TNFAIP8: variants seen among roughly 807,000 people sequenced by gnomAD.
The protein encoded by TNFAIP8 is TNF alpha induced protein 8.
Under a neutral mutation model 13.3 loss-of-function variants are expected in TNFAIP8, and 7 were observed. That is an observed-to-expected ratio of 0.52 (90% confidence interval 0.30 to 0.99). The LOEUF is 0.99. Among genes scored for constraint, TNFAIP8 ranks in the 50% least tolerant of loss-of-function variants. The pLI is 0.07. For missense variants in TNFAIP8, 258 were observed against 236.9 expected (o/e 1.09, Z -0.58); for synonymous variants, 94 against 87.6 (o/e 1.07, Z -0.41).
chr5:119,336,977 T>C (rs1750571945), intron 1 of TNFAIP8, among the ~76,000 whole-genome samples: 1 of 152,228 alleles, frequency 6.6e-6, no homozygotes, highest in South Asian at 2.1e-4. Context: ...CTTATGACCA[T>C]TGTCCTCTGG....
intron 1 of TNFAIP8, among the ~76,000 whole-genome samples, chr5:119,279,758 T>C (rs781042018): frequency 3.9e-5 from 6 of 152,194 alleles, no homozygotes; most frequent in Admixed American, 1.3e-4. Context: ...TAGGAAGTCA[T>C]TTTGAATTGA....
intron 1 of TNFAIP8, among the ~76,000 whole-genome samples, chr5:119,348,612 G>C (rs890601048): frequency 6.6e-6 from 1 of 152,176 alleles, no homozygotes; most frequent in African/African-American, 2.4e-5. Flanking sequence ...TGGGCACGGA[G>C]TCTCACGCTT....
At chr5:119,351,034 G>GTGTA (rs1751118388), upstream of TNFAIP8, among the ~76,000 whole-genome samples, 1 of 131,112 alleles carries the variant, frequency 7.6e-6, no homozygotes, top group South Asian at 2.3e-4. Flanking sequence ...GTGTGTGTGT[G>GTGTA]TAGAGAGAGA....
chr5:119,386,116 G>A (rs985726571), intron 1 of TNFAIP8, among the ~76,000 whole-genome samples: 48 of 152,104 alleles, frequency 3.2e-4, no homozygotes, highest in African/African-American at 1.1e-3. Context: ...TGCATTAAAG[G>A]TTCATACTGC....
intron 1 of TNFAIP8, among the ~76,000 whole-genome samples, chr5:119,337,240 T>C (rs749687316): frequency 6.6e-6 from 1 of 152,268 alleles, no homozygotes; most frequent in Admixed American, 6.5e-5. Context: ...CTCATCATCA[T>C]ATCTTGCACT....
chr5:119,381,512 C>G (rs556690047), intron 1 of TNFAIP8, among the ~76,000 whole-genome samples: 166 of 152,112 alleles, frequency 1.1e-3, no homozygotes, highest in Admixed American at 1.7e-3. Flanking sequence ...TGCCCTCCAG[C>G]TGGGTGACAG....
intron 1 of TNFAIP8, among the ~76,000 whole-genome samples, chr5:119,276,734 A>G (rs1420291098): frequency 1.3e-5 from 2 of 152,172 alleles, no homozygotes; most frequent in Non-Finnish European, 2.9e-5. Context: ...TCCCACCCTT[A>G]TGATCTTATT....
chr5:119,280,814 A>G (rs1748603975), intron 1 of TNFAIP8, among the ~76,000 whole-genome samples: 1 of 152,202 alleles, frequency 6.6e-6, no homozygotes, highest in South Asian at 2.1e-4. Flanking sequence ...CAATTCACAT[A>G]GGAAAGGGAT....
chr5:119,350,463 T>G (rs559925371), intron 1 of TNFAIP8, among the ~76,000 whole-genome samples: 1 of 152,210 alleles, frequency 6.6e-6, no homozygotes, highest in Non-Finnish European at 1.5e-5. Context: ...TGCTGAGAAA[T>G]GACTGTGTTA....
Position 119,399,426 on chromosome 5 carries a change from A to G in TNFAIP8, c.*6045A>G, listed in dbSNP as rs1753145809. 6.6e-6 allele frequency: 1 copy of G among 152,238 alleles called. No individual in the cohort carries two copies. Among genetic ancestry groups the G allele is most frequent in the Non-Finnish European group, 1.5e-5 (1 of 68,046 alleles). The allele number at this position is 152,238 out of a possible 1,614,324, so 9.4% of individuals were successfully genotyped here. On this transcript the variant is annotated 3_prime_UTR_variant, in exon 2 of 2. Coordinates refer to ENST00000504771, the MANE Select transcript of TNFAIP8 (RefSeq NM_014350.4). ...AAGGCTCTGAGACCTCCTGAAGGCTATTCCTATGTGAGGTATTGTTTACGG... is the reference window on the plus strand; with the variant it reads ...AAGGCTCTGAGACCTCCTGAAGGCTGTTCCTATGTGAGGTATTGTTTACGG...
chr5:119,355,917 C>A, upstream of TNFAIP8: 1 of 1,343,094 alleles, frequency 7.4e-7, no homozygotes, highest in African/African-American at 1.5e-5. Context: ...GCAGAACTTT[C>A]CCCCTGAAAA....
Position 119,393,452 on chromosome 5 carries a change from AAAG to A in TNFAIP8, c.*77_*79del, listed in dbSNP as rs754917616. ...GAGCACTGCTGATTTATGAAGGAAA[AAAG>A]AAGAATTTTCTAAAGATTACACATA... On this transcript the variant is annotated 3_prime_UTR_variant, in exon 2 of 2. Transcript: ENST00000504771. The A allele has an allele frequency of 2.7e-4, 375 of 1,379,470 alleles. No individual in the cohort carries two copies. Among genetic ancestry groups the A allele is most frequent in the Non-Finnish European group, 2.8e-4 (280 of 1,013,348 alleles). 85.5% of individuals were successfully genotyped at this position (1,379,470 alleles called of 1,614,324 possible). A position where few individuals can be genotyped will look rare whatever the true frequency, so the allele number is the denominator to read the frequency against.
chr5:119,292,643 A>AGC (rs1420512495), intron 1 of TNFAIP8, among the ~76,000 whole-genome samples: 3 of 48,002 alleles, frequency 6.2e-5, no homozygotes, highest in Non-Finnish European at 1.5e-4. Context: ...TAATCAATGT[A>AGC]GCATATATAT....
chr5:119,309,603 G>T (rs1395088260), intron 1 of TNFAIP8, among the ~76,000 whole-genome samples: 1 of 152,210 alleles, frequency 6.6e-6, no homozygotes, highest in East Asian at 1.9e-4. Flanking sequence ...GAAGAGCAGG[G>T]TGGGTAGTTC....
intron 1 of TNFAIP8, among the ~76,000 whole-genome samples, chr5:119,373,862 G>A (rs982687036): frequency 8.5e-5 from 13 of 152,158 alleles, no homozygotes; most frequent in Non-Finnish European, 1.9e-4. Flanking sequence ...TGTGATCTCT[G>A]CCAGCTCACA....
chr5:119,387,483 T>A (rs114514047), intron 1 of TNFAIP8, among the ~76,000 whole-genome samples: 1 of 152,152 alleles, frequency 6.6e-6, no homozygotes, highest in Non-Finnish European at 1.5e-5. Flanking sequence ...GGGGAAAAAA[T>A]TATGTATTTA....
chr5:119,272,102 C>T (rs1220300026), intron 1 of TNFAIP8, among the ~76,000 whole-genome samples: 1 of 152,128 alleles, frequency 6.6e-6, no homozygotes, highest in Admixed American at 6.5e-5. Flanking sequence ...TCATTTTTAG[C>T]CTACATTTTG....
intron 1 of TNFAIP8, among the ~76,000 whole-genome samples, chr5:119,303,177 A>T (rs543880780): frequency 3.7e-4 from 56 of 152,292 alleles, no homozygotes; most frequent in South Asian, 6.2e-4. Flanking sequence ...TAAACATTCC[A>T]ATTCAATTAG....
At chr5:119,347,014 G>GATATACC (rs1464196437) in intron 1 of TNFAIP8, among the ~76,000 whole-genome samples, 1 of 152,218 alleles carries the variant, frequency 6.6e-6, no homozygotes, top group African/African-American at 2.4e-5. Flanking sequence ...GTTGGAGGCT[G>GATATACC]ATATACCATC....
Sources: allele counts gnomAD v4.1 joint callset (sites outside exome capture counted in the v4.1 genomes callset), GRCh38; gene constraint gnomAD v4.1.1; transcripts MANE v1.5; gene names NCBI Gene and HGNC (gene_info 2026-07-23, HGNC 2026-07-21).